The following ANXA11 variants were observed in gnomAD, a reference collection of about 807,000 sequenced individuals.
The protein encoded by ANXA11 is 56 kDa autoantigen.
ANXA11 carries 57 observed loss-of-function variants against 64.7 expected under a neutral mutation model. That is an observed-to-expected ratio of 0.88 (90% CI 0.71 to 1.10). The LOEUF (loss-of-function observed/expected upper bound fraction) is 1.10. Among genes scored for constraint, ANXA11 ranks in the 50% least tolerant of loss-of-function variants. The probability of loss-of-function intolerance (pLI) is 0.00; values close to 1 mark genes in which losing one functional copy is unlikely to be tolerated. For missense variants in ANXA11, 675 were observed against 670.7 expected (o/e 1.01, Z -0.07); for synonymous variants, 260 against 265.2 (o/e 0.98, Z 0.19).
chr10:80,205,709 CT>C (rs768076476), upstream of ANXA11: 1 of 152,230 alleles, frequency 6.6e-6, no homozygotes, highest in Non-Finnish European at 1.5e-5. Context: ...TCTGCCGCCC[CT>C]AACCCCTGCG....
chr10:80,157,128 T>C lies in ANXA11; in HGVS notation c.1458+513A>G, dbSNP rs1845305775. 20 of 969,668 alleles carry C rather than the reference T, an allele frequency of 2.1e-5. No individual in the cohort carries two copies. In the South Asian group the frequency reaches 7.6e-4, roughly 37 times the overall value. 60.1% of individuals were successfully genotyped at this position (969,668 alleles called of 1,614,324 possible). A position where few individuals can be genotyped will look rare whatever the true frequency, so the allele number is the denominator to read the frequency against. ...GATTATTTTCTCATCTTAAAGACAA[T>C]GGAGCTGGGGTTCAGGGAGATTTAA... On this transcript the variant is annotated intron_variant, in intron 15 of 15. Transcript: ENST00000422982.
chr10:80,169,343 C>G lies in ANXA11; in HGVS notation c.187G>C (p.Gly63Arg). ...GGCATGTTGGCTCCTCCAAATGTCC[C>G]AGACATGTTGGCCGCCTGCAAGGAC... is the stretch of plus-strand genomic sequence containing the variant. The part of the protein sequence containing the change: ...YLSGMAANMS[G>R]TFGGANMPNL... The change falls in exon 5 of 16, where the codon GGG (glycine) becomes CGG (arginine). Residue 63 changes from glycine to arginine, a missense_variant. Coordinates refer to ENST00000422982, the MANE Select transcript of ANXA11 (RefSeq NM_145868.2). 6.2e-7 allele frequency: 1 copy of G among 1,607,312 alleles called. No homozygotes were observed. Among genetic ancestry groups the G allele is most frequent in the South Asian group, 1.1e-5 (1 of 91,018 alleles).
At chr10:80,158,676 C>T (rs969139001) in intron 13 of ANXA11, among the ~76,000 whole-genome samples, 1 of 152,194 alleles carries the variant, frequency 6.6e-6, no homozygotes, top group African/African-American at 2.4e-5. Flanking sequence ...GGAGCCAAGC[C>T]AGCTTTCCTC....
Position 80,170,787 on chromosome 10 carries a change from G to A in ANXA11, c.171+13C>T, listed in dbSNP as rs747777611. 6.8e-7 allele frequency: 1 copy of A among 1,470,618 alleles called. No homozygotes were observed. Among genetic ancestry groups the A allele is most frequent in the African/African-American group, 1.4e-5 (1 of 69,728 alleles). 91.1% of individuals were successfully genotyped at this position (1,470,618 alleles called of 1,614,324 possible). A position where few individuals can be genotyped will look rare whatever the true frequency, so the allele number is the denominator to read the frequency against. ...TGGCCCCAGGGCTGCCTCAGCAGGA[G>A]AGCTGGACTCACCATTCCCGAGAGA... On this transcript the variant is annotated intron_variant, in intron 4 of 15. Transcript: ENST00000422982.
intron 11 of ANXA11, 84 bp from the exon 12 acceptor site, chr10:80,162,112 C>T: frequency 8.3e-7 from 1 of 1,207,668 alleles, no homozygotes; most frequent in South Asian, 1.3e-5. Flanking sequence ...TGGTAAACTT[C>T]TGAAGGTTTG....
intron 1 of ANXA11, among the ~76,000 whole-genome samples, chr10:80,202,483 T>C (rs951792835): frequency 2.6e-5 from 4 of 152,186 alleles, no homozygotes; most frequent in Non-Finnish European, 4.4e-5. Context: ...TTCCATTGAA[T>C]TGCAACAACT....
intron 1 of ANXA11, among the ~76,000 whole-genome samples, chr10:80,196,660 G>GCCCTTAAT (rs1840183693): frequency 3.9e-5 from 6 of 152,158 alleles, no homozygotes; most frequent in Non-Finnish European, 7.4e-5. Context: ...GCTGGTCACA[G>GCCCTTAAT]GTGCCATTAA....
intron 15 of ANXA11, chr10:80,157,119 TAA>T: frequency 1.0e-6 from 1 of 971,574 alleles, no homozygotes; most frequent in Non-Finnish European, 1.2e-6. Context: ...TTTCTCATCT[TAA>T]AGACAATGGA....
At position 80,165,856 on chromosome 10, in the gene ANXA11, G is replaced by A. The variant is rs562398553; in HGVS notation, c.858+228C>T. On this transcript the variant is annotated intron_variant, in intron 8 of 15. Transcript: ENST00000422982. ...TTAAGCCTCCCTGATGATGACTGGT[G>A]CGTCATTTGCCTCTTGGGGAAATCA... 3.5e-4 allele frequency among the ~76,000 whole-genome samples: 53 copies of A among 152,200 alleles called. 1 individual carries two copies. Among genetic ancestry groups the A allele is most frequent in the Admixed American group, 3.4e-3 (52 of 15,300 alleles).
chr10:80,174,426 G>A (rs551082191), intron 2 of ANXA11, among the ~76,000 whole-genome samples: 57 of 151,646 alleles, frequency 3.8e-4, no homozygotes, highest in Non-Finnish European at 2.8e-4. Flanking sequence ...ACAGGCGCCC[G>A]CCATCATGTC....
rs574785376 is a variant in ANXA11 at position 80,176,965 on chromosome 10, T to G, written c.-57-810A>C. ...CTGTCATTCTCTGCCTGAAATAGTTTCAAGCCTGCTCCCCACTTTTTTTTT... is the reference window on the plus strand; with the variant it reads ...CTGTCATTCTCTGCCTGAAATAGTTGCAAGCCTGCTCCCCACTTTTTTTTT... On this transcript the variant is annotated intron_variant, in intron 1 of 15. Coordinates refer to ENST00000422982, the MANE Select transcript of ANXA11 (RefSeq NM_145868.2). 1.9e-4 allele frequency among the ~76,000 whole-genome samples: 29 copies of G among 148,964 alleles called. 1 individual carries two copies. In the South Asian group the frequency reaches 4.9e-3, roughly 25 times the overall value.
chr10:80,200,759 A>T (rs756152739), intron 1 of ANXA11, among the ~76,000 whole-genome samples: 1 of 152,210 alleles, frequency 6.6e-6, no homozygotes, highest in Non-Finnish European at 1.5e-5. Context: ...AGCCAGGTGC[A>T]GTGGTTCACT....
rs529696417 is a variant in ANXA11, at chr10:80,152,985, T to A, written c.*2868A>T. On this transcript the variant is annotated 3_prime_UTR_variant, in exon 16 of 16. Transcript: ENST00000422982. ...TACCTTTTCCAAACAATAGTGGCTT[T>A]GAGCCAAGTATGAACTTACACAAGC... is the stretch of plus-strand genomic sequence containing the variant. 6.6e-6 allele frequency: 1 copy of A among 152,376 alleles called. No individual in the cohort carries two copies. Among genetic ancestry groups the A allele is most frequent in the Non-Finnish European group, 1.5e-5 (1 of 68,058 alleles). The allele number at this position is 152,376 out of a possible 1,614,324, so 9.4% of individuals were successfully genotyped here.
At chr10:80,187,176 T>C (rs1846573135) in intron 1 of ANXA11, among the ~76,000 whole-genome samples, 1 of 152,116 alleles carries the variant, frequency 6.6e-6, no homozygotes, top group African/African-American at 2.4e-5. Context: ...AATACTTCTG[T>C]CTCCCCAAAA....
chr10:80,199,095 CTTT>C (rs71482767), intron 1 of ANXA11, among the ~76,000 whole-genome samples: 8 of 133,482 alleles, frequency 6.0e-5, no homozygotes, highest in Non-Finnish European at 4.8e-5. Flanking sequence ...TCAAGATAAA[CTTT>C]TTTTTTTTTT....
Position 80,169,290 on chromosome 10 carries a change from A to AGCCCCAGGG in ANXA11, c.231_239dup (p.Pro78_Ala80dup), listed in dbSNP as rs763231253. ...CGCCAGGGGGCACTGGTGGGTAGCC[A>AGCCCCAGGG]GCCCCAGGGGCCCCAGGGTACAGGT... On this transcript the variant is annotated inframe_insertion, in exon 5 of 16. Coordinates refer to ENST00000422982, the MANE Select transcript of ANXA11 (RefSeq NM_145868.2). 3 of 1,611,516 alleles carry AGCCCCAGGG rather than the reference A, an allele frequency of 1.9e-6. No individual in the cohort carries two copies. Among genetic ancestry groups the AGCCCCAGGG allele is most frequent in the African/African-American group, 2.7e-5 (2 of 74,996 alleles).
At chr10:80,164,385 T>A (rs905062366) in intron 8 of ANXA11, among the ~76,000 whole-genome samples, 6 of 151,994 alleles carry the variant, frequency 3.9e-5, no homozygotes, top group African/African-American at 1.5e-4. Context: ...TCCCCATGGA[T>A]CAGAAAACTG....
At chr10:80,185,168 G>C (rs370935402) in intron 1 of ANXA11, among the ~76,000 whole-genome samples, 6 of 152,176 alleles carry the variant, frequency 3.9e-5, no homozygotes, top group East Asian at 3.8e-4. Flanking sequence ...GTCAACTGAT[G>C]GACAGCTTGT....
In ANXA11 at chr10:80,159,189, T is replaced by A. The variant is rs771962116; in HGVS notation, c.1187A>T (p.Asn396Ile). 4 of 1,613,604 alleles carry A rather than the reference T, an allele frequency of 2.5e-6. No individual in the cohort carries two copies. Among genetic ancestry groups the A allele is most frequent in the Non-Finnish European group, 3.4e-6 (4 of 1,179,690 alleles). Residue 396 changes from asparagine to isoleucine, a missense_variant, in exon 13 of 16, where the codon AAT becomes ATT. Transcript: ENST00000422982. ...CCGGCCTGTCATTCTCTGGTACTCATTGAAAACTATGGGGATGACAGAGGC... is the reference window on the plus strand; with the variant it reads ...CCGGCCTGTCATTCTCTGGTACTCAATGAAAACTATGGGGATGACAGAGGC... The part of the protein sequence containing the change: ...RSRAHLVAVF[N>I]EYQRMTGRDI...
Sources: allele counts gnomAD v4.1 joint callset (sites outside exome capture counted in the v4.1 genomes callset), GRCh38; gene constraint gnomAD v4.1.1; transcripts MANE v1.5; gene names NCBI Gene and HGNC (gene_info 2026-07-23, HGNC 2026-07-21).